Variants in PPP3CB observed in about 807,000 individuals in gnomAD.
PPP3CB encodes the protein serine/threonine-protein phosphatase 2B catalytic subunit beta isoform.
In PPP3CB, 8 loss-of-function variants were observed where a neutral mutation model predicts 66.4. The observed-to-expected ratio is 0.12, with a 90% CI of 0.07 to 0.22. The LOEUF (loss-of-function observed/expected upper bound fraction) is 0.22, where lower values mean the gene tolerates loss of function less well. Among genes scored for constraint, PPP3CB ranks in the 10% least tolerant of loss-of-function variants. The pLI is 1.00. For missense variants in PPP3CB, 319 were observed against 642.5 expected (o/e 0.50, Z 5.44); for synonymous variants, 208 against 221.2 (o/e 0.94, Z 0.53).
At chr10:73,477,701 G>C (rs1025680008) in intron 3 of PPP3CB, among the ~76,000 whole-genome samples, 1 of 152,160 alleles carries the variant, frequency 6.6e-6, no homozygotes, top group Non-Finnish European at 1.5e-5. Flanking sequence ...AGGATCACTT[G>C]AGCCCAGGAG....
Position 73,478,631 on chromosome 10 carries a change from A to G in PPP3CB, c.287-8T>C. 1 of 1,603,800 alleles carries G rather than the reference A, an allele frequency of 6.2e-7. No individual in the cohort carries two copies. Among genetic ancestry groups the G allele is most frequent in the Non-Finnish European group, 8.5e-7 (1 of 1,176,818 alleles). On this transcript the variant is annotated splice_region_variant and splice_polypyrimidine_tract_variant and intron_variant, in intron 2 of 13. Coordinates refer to ENST00000360663, the MANE Select transcript of PPP3CB (RefSeq NM_021132.4). ...CATGGATGTCACCACACACTGAAAC[A>G]AGAAGATTATTAGATAAGGGAAAAA...
chr10:73,453,566 CATT>C (rs1446473936), intron 10 of PPP3CB, among the ~76,000 whole-genome samples: 1 of 152,050 alleles, frequency 6.6e-6, no homozygotes, highest in South Asian at 2.1e-4. Flanking sequence ...TCTAGCCAAA[CATT>C]ATAGTTTATC....
At chr10:73,444,524 G>C (rs1217843978) in intron 12 of PPP3CB, 8 of 1,487,470 alleles carry the variant, frequency 5.4e-6, no homozygotes, top group Non-Finnish European at 6.3e-6. Flanking sequence ...TCAATTGAAA[G>C]GAATACCCAT....
chr10:73,474,557 T>C (rs943972796), intron 4 of PPP3CB, among the ~76,000 whole-genome samples: 3 of 151,780 alleles, frequency 2.0e-5, no homozygotes, highest in African/African-American at 4.8e-5. Flanking sequence ...CTCAGCCTCC[T>C]GAGCAGCTGG....
At chr10:73,487,407 G>A (rs1193918849) in intron 1 of PPP3CB, among the ~76,000 whole-genome samples, 1 of 151,648 alleles carries the variant, frequency 6.6e-6, no homozygotes, top group Non-Finnish European at 1.5e-5. Flanking sequence ...AATTAGCGGG[G>A]CGTGGTGGCA....
At chr10:73,491,050 T>A (rs1481379178) in intron 1 of PPP3CB, among the ~76,000 whole-genome samples, 7 of 134,156 alleles carry the variant, frequency 5.2e-5, no homozygotes, top group Non-Finnish European at 1.1e-4. Flanking sequence ...TTTTTTTTTT[T>A]TTGACAGTCT....
rs35129439 is a variant in PPP3CB at position 73,457,260 on chromosome 10, G to GAAAAAAAAA, written c.1109-2780_1109-2772dup. ...ACACAAAGATCCCATCTCTAAAAAAGAAAAAAAAAAAAAAAAAAAAAAAAA... is the reference window on the plus strand; with the variant it reads ...ACACAAAGATCCCATCTCTAAAAAAGAAAAAAAAAAAAAAAAAAAAAAAAAAAAAAAAAA... On this transcript the variant is annotated intron_variant, in intron 9 of 13. Coordinates refer to ENST00000360663, the MANE Select transcript of PPP3CB (RefSeq NM_021132.4). Among the ~76,000 whole-genome samples, 45 of 69,018 alleles carry GAAAAAAAAA rather than the reference G, an allele frequency of 6.5e-4. 1 individual carries two copies. Among genetic ancestry groups the GAAAAAAAAA allele is most frequent in the African/African-American group, 7.1e-4 (13 of 18,426 alleles). 45.3% of individuals were successfully genotyped at this position (69,018 alleles called of 152,430 possible).
intron 10 of PPP3CB, among the ~76,000 whole-genome samples, chr10:73,451,492 T>G (rs1173352746): frequency 2.6e-5 from 4 of 152,060 alleles, no homozygotes; most frequent in East Asian, 1.9e-4. Flanking sequence ...TAACCTTAAA[T>G]GGAGGAAATA....
intron 9 of PPP3CB, among the ~76,000 whole-genome samples, chr10:73,460,180 A>C (rs2056497856): frequency 6.6e-6 from 1 of 151,114 alleles, no homozygotes; most frequent in Non-Finnish European, 1.5e-5. Flanking sequence ...ACATGGAGCC[A>C]TTTAACGGAT....
intron 9 of PPP3CB, among the ~76,000 whole-genome samples, chr10:73,457,253 T>TA (rs2056441603): frequency 2.0e-4 from 2 of 9,784 alleles, no homozygotes; most frequent in Non-Finnish European, 4.0e-4. Flanking sequence ...ATCCCATCTC[T>TA]AAAAAAGAAA....
At chr10:73,488,096 T>C (rs1050344194) in intron 1 of PPP3CB, among the ~76,000 whole-genome samples, 3 of 152,174 alleles carry the variant, frequency 2.0e-5, no homozygotes, top group Non-Finnish European at 4.4e-5. Context: ...AAATGATAGA[T>C]AACAGGTTCA....
chr10:73,445,726 C>A (rs2056237518), intron 11 of PPP3CB, among the ~76,000 whole-genome samples: 1 of 151,280 alleles, frequency 6.6e-6, no homozygotes, highest in Admixed American at 6.6e-5. Flanking sequence ...AGCCACTGCA[C>A]CCAGCCTAAG....
chr10:73,491,656 C>T (rs867379711), intron 1 of PPP3CB, among the ~76,000 whole-genome samples: 5 of 152,054 alleles, frequency 3.3e-5, no homozygotes, highest in Non-Finnish European at 7.4e-5. Context: ...CACACCAAGG[C>T]TATATGGGTT....
intron 9 of PPP3CB, 149 bp from the exon 10 acceptor site, chr10:73,454,638 C>A: frequency 4.4e-5 from 19 of 434,452 alleles, no homozygotes; most frequent in South Asian, 3.5e-4. Flanking sequence ...TTTAAAAATG[C>A]AAAGGCTTTC....
intron 1 of PPP3CB, among the ~76,000 whole-genome samples, chr10:73,480,505 C>G (rs993235138): frequency 5.7e-5 from 8 of 140,620 alleles, no homozygotes. Context: ...AATGCAGTGG[C>G]GTGAACTCGG....
chr10:73,495,812 G>A lies in PPP3CB; in HGVS notation c.78C>T (p.Val26=). The A allele has an allele frequency of 1.9e-6, 3 of 1,545,040 alleles. No homozygotes were observed. Among genetic ancestry groups the A allele is most frequent in the South Asian group, 1.1e-5 (1 of 88,368 alleles). Residue 26 remains valine (V), a synonymous_variant, in exon 1 of 14, where the codon GTC becomes GTT. Transcript: ENST00000360663. ...GTTTCGTCCACCTCTCACCTTTGAC[G>A]ACGCGGTCAGCCCCGGGAGGGGGCG... ...PPPPPPGADR[V]VKAVPFPPTH...
At chr10:73,448,717 G>A in intron 10 of PPP3CB, 1 of 533,352 alleles carries the variant, frequency 1.9e-6, no homozygotes, top group Non-Finnish European at 3.8e-6. Context: ...CAGAAAAAAG[G>A]AAGTGAATGA....
chr10:73,486,596 C>T (rs1034794703), intron 1 of PPP3CB, among the ~76,000 whole-genome samples: 9 of 152,020 alleles, frequency 5.9e-5, no homozygotes, highest in Non-Finnish European at 1.0e-4. Flanking sequence ...TGAGCCACCG[C>T]GCTTGGCCTC....
intron 10 of PPP3CB, among the ~76,000 whole-genome samples, chr10:73,446,834 A>C (rs2056264643): frequency 1.3e-5 from 2 of 152,234 alleles, no homozygotes; most frequent in African/African-American, 2.4e-5. Context: ...TCTACTGGCT[A>C]ATCAGTAAAA....
Sources: gnomAD v4.1 joint callset for allele counts (sites outside exome capture counted in the v4.1 genomes callset) on GRCh38, gnomAD v4.1.1 for gene constraint, MANE v1.5 for transcripts, NCBI Gene and HGNC (gene_info 2026-07-23, HGNC 2026-07-21) for gene names.